EML1: variants seen among roughly 807,000 people sequenced by gnomAD.
The protein encoded by EML1 is EMAP like 1.
In EML1, 27 loss-of-function variants were observed where a neutral mutation model predicts 110.4. The observed-to-expected ratio is 0.24, with a 90% CI of 0.18 to 0.34. The LOEUF (loss-of-function observed/expected upper bound fraction) is 0.34. Ranked by LOEUF, EML1 falls within the 10% of genes least tolerant of loss-of-function variation. The probability of loss-of-function intolerance (pLI) is 1.00; values close to 1 mark genes in which losing one functional copy is unlikely to be tolerated. For synonymous variants in EML1, 344 were observed against 385.8 expected (o/e 0.89, Z 1.27); for missense variants, 741 against 1,030.9 (o/e 0.72, Z 3.85).
intron 5 of EML1, 128 bp from the exon 6 acceptor site, chr14:99,894,501 A>G: frequency 2.7e-6 from 3 of 1,123,790 alleles, no homozygotes; most frequent in South Asian, 6.2e-5. Context: ...TTTCCCTAGG[A>G]TATCAATTAG....
At chr14:99,768,981 G>T (rs1000164980), upstream of EML1, among the ~76,000 whole-genome samples, 1 of 152,156 alleles carries the variant, frequency 6.6e-6, no homozygotes, top group Admixed American at 6.5e-5. Context: ...GCCTCCCAAA[G>T]TGCTGGGATT....
intron 1 of EML1, among the ~76,000 whole-genome samples, chr14:99,754,145 G>A (rs1364850061): frequency 3.9e-5 from 6 of 152,246 alleles, no homozygotes; most frequent in Non-Finnish European, 7.3e-5. Context: ...CTCAACCCTG[G>A]GTTGCGAGGA....
chr14:99,913,185 A>ATTAATTATT (rs2059974519), intron 13 of EML1, among the ~76,000 whole-genome samples: 1 of 149,988 alleles, frequency 6.7e-6, no homozygotes, highest in Non-Finnish European at 1.5e-5. Context: ...TATTATTATT[A>ATTAATTATT]ATTATTATTA....
chr14:99,875,055 C>T, intron 3 of EML1: 27 of 1,496,714 alleles, frequency 1.8e-5, no homozygotes, highest in Non-Finnish European at 2.5e-5. Flanking sequence ...TCTGTTTTAA[C>T]GTAGTAGCTT....
chr14:99,801,343 CGGT>C (rs2057874691), intron 1 of EML1, among the ~76,000 whole-genome samples: 1 of 152,116 alleles, frequency 6.6e-6, no homozygotes, highest in Admixed American at 6.5e-5. Flanking sequence ...TGGCCGGGCA[CGGT>C]GGCTCATGCC....
At chr14:99,790,688 G>C (rs1288059689), upstream of EML1, among the ~76,000 whole-genome samples, 1 of 152,086 alleles carries the variant, frequency 6.6e-6, no homozygotes, top group Non-Finnish European at 1.5e-5. Context: ...ATGTGCATCT[G>C]GGTGTTAAGT....
Position 99,781,730 on chromosome 14 carries a change from C to A in EML1, c.-27+7717C>A, listed in dbSNP as rs1182500328. On this transcript the variant is annotated intron_variant, in intron 1 of 22. Coordinates refer to the EML1 transcript ENST00000327921. This position sits in a 1 kb window ranked among gnomAD's most constrained non-coding sequence, Gnocchi z 4.2. ...AGGTTCACTGCAATGGGGCCAGATG[C>A]CTTCAGTCTGAGCTCCCTGTCCCCT... Among the ~76,000 whole-genome samples, 2 of 152,214 alleles carry A rather than the reference C, an allele frequency of 1.3e-5. No individual in the cohort carries two copies. Among genetic ancestry groups the A allele is most frequent in the Non-Finnish European group, 2.9e-5 (2 of 68,038 alleles).
chr14:99,862,184 G>A (rs2059013333), intron 2 of EML1, among the ~76,000 whole-genome samples: 1 of 152,202 alleles, frequency 6.6e-6, no homozygotes, highest in South Asian at 2.1e-4. Context: ...TTTTCTCATG[G>A]ATAGACTCAG....
rs575201393 is a variant in EML1, at chr14:99,885,046, G to A, written c.519-6153G>A. ...CTCCCTTCACCATGCTGCACACACC[G>A]CTTGCCCTCCCTTAGGCTCTGGAGG... On this transcript the variant is annotated intron_variant, in intron 4 of 21. Coordinates refer to ENST00000262233, the MANE Select transcript of EML1 (RefSeq NM_004434.3). Among the ~76,000 whole-genome samples the A allele has an allele frequency of 1.1e-4, 17 of 152,320 alleles. 1 individual carries two copies. In the South Asian group the frequency reaches 3.1e-3, roughly 28 times the overall value.
At chr14:99,828,358 C>T (rs2058394346) in intron 1 of EML1, among the ~76,000 whole-genome samples, 1 of 152,162 alleles carries the variant, frequency 6.6e-6, no homozygotes, top group Non-Finnish European at 1.5e-5. Flanking sequence ...TGCACCCACA[C>T]TGTAGACGCC....
At position 99,941,175 on chromosome 14, in the gene EML1, G is replaced by A. The variant is rs1388517168; in HGVS notation, c.*1063G>A. ...ATTGAGTTCTGATGCGTTAAACGGA[G>A]GTGGCAGAAATTTGTCAAGAAGGCC... is the stretch of plus-strand genomic sequence containing the variant. On this transcript the variant is annotated 3_prime_UTR_variant, in exon 22 of 22. Coordinates refer to ENST00000262233, the MANE Select transcript of EML1 (RefSeq NM_004434.3). 6.6e-6 allele frequency: 1 copy of A among 152,148 alleles called. No homozygotes were observed. The highest frequency in any genetic ancestry group is 2.4e-5 in the African/African-American group (1 of 41,426). The allele number at this position is 152,148 out of a possible 1,614,324, so 9.4% of individuals were successfully genotyped here. A position where few individuals can be genotyped will look rare whatever the true frequency, so the allele number is the denominator to read the frequency against.
chr14:99,871,434 G>A (rs2059202190), intron 3 of EML1, among the ~76,000 whole-genome samples: 1 of 152,054 alleles, frequency 6.6e-6, no homozygotes. Flanking sequence ...GATCACTTGA[G>A]GCCAGGAGTT....
rs762315646 is a variant in EML1, at chr14:99,936,163, CTGCGTATAGTTTAACT to C, written c.2007+38_2007+53del. 5.6e-6 allele frequency: 9 copies of C among 1,612,906 alleles called. No individual in the cohort carries two copies. The highest frequency in any genetic ancestry group is 4.2e-6 in the Non-Finnish European group (5 of 1,178,932). ...CAGTGGACCTGTCGCTTCTCATGCA[CTGCGTATAGTTTAACT>C]ACCGTGGAACAGTGTTGGCAGGGAC... On this transcript the variant is annotated intron_variant, in intron 18 of 21. Transcript: ENST00000262233. The surrounding 1 kb of genome is among the most constrained non-coding windows in gnomAD (Gnocchi z 5.5).
chr14:99,925,779 G>A (rs1426887826), intron 17 of EML1, among the ~76,000 whole-genome samples: 1 of 152,142 alleles, frequency 6.6e-6, no homozygotes, highest in African/African-American at 2.4e-5. Context: ...TGTCTGAATA[G>A]GCAGGATCCT....
chr14:99,896,658 A>G (rs922618115), intron 6 of EML1, among the ~76,000 whole-genome samples: 1 of 152,160 alleles, frequency 6.6e-6, no homozygotes, highest in Non-Finnish European at 1.5e-5. Flanking sequence ...TTTGTTCTCA[A>G]AATAAAATAA....
chr14:99,793,501 A>G lies in EML1; in HGVS notation c.25A>G (p.Ser9Gly). The change falls in exon 1 of 22, where the codon AGC becomes GGC. Residue 9 changes from serine (S) to glycine (G), a missense_variant. By Grantham distance (56) the Ser-to-Gly change is moderately conservative. Transcript: ENST00000262233. ...CATGGAGGACGGCTTCTCCAGCTAC[A>G]GCAGCCTGTACGACACGTCCTCGCT... MEDGFSSY[S>G]SLYDTSSLLQ... 3 of 1,052,458 alleles carry G rather than the reference A, an allele frequency of 2.9e-6. No individual in the cohort carries two copies. The highest frequency in any genetic ancestry group is 3.5e-6 in the Non-Finnish European group (3 of 869,430). The allele number at this position is 1,052,458 out of a possible 1,614,324, so 65.2% of individuals were successfully genotyped here.
intron 1 of EML1, among the ~76,000 whole-genome samples, chr14:99,794,506 T>G (rs998683705): frequency 6.6e-6 from 1 of 152,242 alleles, no homozygotes; most frequent in Non-Finnish European, 1.5e-5. Flanking sequence ...GCTATTGTAT[T>G]GTGATTTAGG....
intron 1 of EML1, among the ~76,000 whole-genome samples, chr14:99,831,670 A>T (rs1388159397): frequency 6.6e-6 from 1 of 152,142 alleles, no homozygotes; most frequent in Non-Finnish European, 1.5e-5. Context: ...CAACCTATAG[A>T]TCCAAACACA....
intron 12 of EML1, among the ~76,000 whole-genome samples, chr14:99,911,165 A>T (rs1043978939): frequency 3.3e-5 from 5 of 152,134 alleles, no homozygotes; most frequent in African/African-American, 1.2e-4. Context: ...CTAAACTCAG[A>T]GCCCACGTTC....
Sources: gnomAD v4.1 joint callset for allele counts (sites outside exome capture counted in the v4.1 genomes callset) on GRCh38, gnomAD v4.1.1 for gene constraint, Gnocchi (gnomAD v3.1) non-coding constraint, MANE v1.5 for transcripts, NCBI Gene and HGNC (gene_info 2026-07-23, HGNC 2026-07-21) for gene names.